The following IL1RAPL2 variants were observed in gnomAD, a reference collection of about 807,000 sequenced individuals.
IL1RAPL2 encodes X-linked interleukin-1 receptor accessory protein-like 2.
In IL1RAPL2, 3 loss-of-function variants were observed where a neutral mutation model predicts 44.1. That is an observed-to-expected ratio of 0.07 (90% CI 0.03 to 0.18). IL1RAPL2 has a LOEUF of 0.18. IL1RAPL2 is among the 10% of genes least tolerant of loss of function. IL1RAPL2 has a pLI of 1.00. For synonymous variants in IL1RAPL2, 181 were observed against 178.8 expected (o/e 1.01, Z -0.10); for missense variants, 391 against 496.4 (o/e 0.79, Z 2.02).
rs188171187 is a variant in IL1RAPL2, at chrX:105,485,955, T to C, written c.772+1568T>C. Reference sequence around the variant, plus strand: ...TATCTTTTTGATATAATGATTTCCTTTCTTTTGGGTATATGCCTAGCTGTG... The same window carrying C: ...TATCTTTTTGATATAATGATTTCCTCTCTTTTGGGTATATGCCTAGCTGTG... On this transcript the variant is annotated intron_variant, in intron 6 of 10. Transcript: ENST00000372582. 1.9e-4 allele frequency among the ~76,000 whole-genome samples: 21 copies of C among 112,159 alleles called. No individual in the cohort carries two copies. In the East Asian group the frequency reaches 5.6e-3, roughly 30 times the overall value.
chrX:105,577,209 A>C (rs2037056801), intron 6 of IL1RAPL2, among the ~76,000 whole-genome samples: 1 of 111,510 alleles, frequency 9.0e-6, no homozygotes, highest in Non-Finnish European at 1.9e-5. Context: ...CATCTTTTAA[A>C]AATGGGCCTA....
At chrX:104,799,131 C>A (rs1932869542) in intron 2 of IL1RAPL2, among the ~76,000 whole-genome samples, 1 of 110,834 alleles carries the variant, frequency 9.0e-6, no homozygotes, top group African/African-American at 3.3e-5. Context: ...AAGTTACTCG[C>A]CTAAGATTAC....
intron 2 of IL1RAPL2, among the ~76,000 whole-genome samples, chrX:104,746,710 G>C (rs1268252727): frequency 9.0e-6 from 1 of 111,211 alleles, no homozygotes; most frequent in Non-Finnish European, 1.9e-5. Context: ...ATAATTTAAT[G>C]CTTCAAGTTT....
intron 2 of IL1RAPL2, among the ~76,000 whole-genome samples, chrX:104,845,150 C>A (rs939334154): frequency 8.9e-6 from 1 of 111,956 alleles, no homozygotes; most frequent in African/African-American, 3.2e-5. Flanking sequence ...GGCTGAAATC[C>A]TCTTTGAGCT....
At chrX:104,687,658 ATTAAC>A (rs1431508758) in intron 2 of IL1RAPL2, among the ~76,000 whole-genome samples, 1 of 111,611 alleles carries the variant, frequency 9.0e-6, no homozygotes, top group Non-Finnish European at 1.9e-5. Flanking sequence ...ACCCATGCTT[ATTAAC>A]TTTGGAAATT....
intron 2 of IL1RAPL2, among the ~76,000 whole-genome samples, chrX:104,941,241 T>C (rs1046359539): frequency 8.1e-5 from 9 of 111,211 alleles, no homozygotes; most frequent in Non-Finnish European, 1.7e-4. Context: ...CTGGGTCAAA[T>C]GGTATTTCTA....
At chrX:105,185,270 A>G (rs2033574478) in intron 2 of IL1RAPL2, among the ~76,000 whole-genome samples, 1 of 112,289 alleles carries the variant, frequency 8.9e-6, no homozygotes, top group African/African-American at 3.2e-5. Flanking sequence ...CTATATCTGC[A>G]ATGTTTTATT....
At chrX:105,296,496 A>C in intron 5 of IL1RAPL2, among the ~76,000 whole-genome samples, 1 of 112,742 alleles carries the variant, frequency 8.9e-6, no homozygotes, top group Middle Eastern at 4.6e-3. Context: ...CAATGTTAAC[A>C]GTGCTTTGCA....
chrX:104,912,348 C>T (rs749581611), intron 2 of IL1RAPL2, among the ~76,000 whole-genome samples: 161 of 110,506 alleles, frequency 1.5e-3, no homozygotes, highest in African/African-American at 5.2e-3. Flanking sequence ...GAATAGAATC[C>T]TTTCTCCTGA....
At chrX:105,354,003 C>T (rs989583071) in intron 5 of IL1RAPL2, among the ~76,000 whole-genome samples, 1 of 110,946 alleles carries the variant, frequency 9.0e-6, no homozygotes, top group Non-Finnish European at 1.9e-5. Flanking sequence ...ACATCCCTGT[C>T]TTGTGCCAGT....
chrX:105,302,083 G>C (rs1483759342), intron 5 of IL1RAPL2, among the ~76,000 whole-genome samples: 1 of 111,975 alleles, frequency 8.9e-6, no homozygotes, highest in East Asian at 2.8e-4. Flanking sequence ...ATATCTCCTT[G>C]TAGTTTTGAT....
intron 2 of IL1RAPL2, among the ~76,000 whole-genome samples, chrX:105,076,297 T>C (rs904249462): frequency 6.3e-5 from 7 of 111,917 alleles, no homozygotes; most frequent in African/African-American, 1.9e-4. Flanking sequence ...CATTTCGTTA[T>C]GTAGCCAGTA....
intron 2 of IL1RAPL2, among the ~76,000 whole-genome samples, chrX:104,857,133 A>T (rs889251451): frequency 1.8e-5 from 2 of 111,997 alleles, no homozygotes; most frequent in Non-Finnish European, 3.8e-5. Context: ...AACTTACAGA[A>T]TAATATTGGT....
chrX:105,643,884 T>C (rs1053334359), intron 6 of IL1RAPL2, among the ~76,000 whole-genome samples: 6 of 111,356 alleles, frequency 5.4e-5, no homozygotes, highest in South Asian at 3.8e-4. Flanking sequence ...GCAAGCTTTT[T>C]TTTCTTTCTT....
chrX:105,534,546 TA>T (rs1168383190), intron 6 of IL1RAPL2, among the ~76,000 whole-genome samples: 3 of 110,639 alleles, frequency 2.7e-5, no homozygotes, highest in Non-Finnish European at 3.8e-5. Flanking sequence ...AAATTAAAAA[TA>T]AAAAAATACC....
chrX:104,794,339 T>C (rs908254263), intron 2 of IL1RAPL2, among the ~76,000 whole-genome samples: 2 of 111,679 alleles, frequency 1.8e-5, no homozygotes, highest in African/African-American at 3.3e-5. Context: ...AAACTTCTTG[T>C]GATGACAAGA....
Position 105,572,113 on chromosome X carries a change from A to G in IL1RAPL2, c.772+87726A>G, listed in dbSNP as rs758155178. On this transcript the variant is annotated intron_variant, in intron 6 of 10. Transcript: ENST00000372582. ...AGACACTCAGTCTGTGTACCTAATTATATAATAGGTAATAGAGATTTAGTG... is the reference window on the plus strand; with the variant it reads ...AGACACTCAGTCTGTGTACCTAATTGTATAATAGGTAATAGAGATTTAGTG... 7.2e-4 allele frequency among the ~76,000 whole-genome samples: 80 copies of G among 111,741 alleles called. No individual in the cohort carries two copies. In the Middle Eastern group the frequency reaches 0.014, roughly 20 times the overall value.
chrX:105,711,501 C>A (rs1209439551), intron 6 of IL1RAPL2, among the ~76,000 whole-genome samples: 7 of 111,615 alleles, frequency 6.3e-5, no homozygotes, highest in Non-Finnish European at 1.3e-4. Flanking sequence ...TGCCTCTCAA[C>A]ACTATTACAT....
At chrX:105,195,772 C>A (rs1556140688) in intron 3 of IL1RAPL2, 24 bp downstream of exon 3, 4 of 1,199,458 alleles carry the variant, frequency 3.3e-6, no homozygotes, top group Non-Finnish European at 4.5e-6. Context: ...GAAAACATTG[C>A]CCAATCACAT....
Sources: allele counts gnomAD v4.1 joint callset (sites outside exome capture counted in the v4.1 genomes callset), GRCh38; gene constraint gnomAD v4.1.1; transcripts MANE v1.5; gene names NCBI Gene and HGNC (gene_info 2026-07-23, HGNC 2026-07-21).